SCLT1: variants seen among roughly 807,000 people sequenced by gnomAD.
SCLT1 encodes the protein sodium channel and clathrin linker 1.
SCLT1 carries 78 observed loss-of-function variants against 112.8 expected under a neutral mutation model. That is an observed-to-expected ratio of 0.69 (90% CI 0.58 to 0.83). SCLT1 has a LOEUF of 0.83. Among genes scored for constraint, SCLT1 ranks in the 40% least tolerant of loss-of-function variants. SCLT1 has a pLI of 0.00. For missense variants in SCLT1, 747 were observed against 770.4 expected (o/e 0.97, Z 0.36); for synonymous variants, 257 against 254.7 (o/e 1.01, Z -0.09).
intron 5 of SCLT1, among the ~76,000 whole-genome samples, chr4:129,009,057 T>C (rs1560958622): frequency 6.6e-6 from 1 of 152,232 alleles, no homozygotes; most frequent in South Asian, 2.1e-4. Flanking sequence ...CTTTATCCAG[T>C]CCACTGTTGA....
At chr4:128,881,173 G>T (rs1303819210), downstream of SCLT1, among the ~76,000 whole-genome samples, 1 of 151,840 alleles carries the variant, frequency 6.6e-6, no homozygotes, top group Non-Finnish European at 1.5e-5. Flanking sequence ...TAACTTCAGG[G>T]TACTGCAATC....
At position 128,943,254 on chromosome 4, in the gene SCLT1, G is replaced by C. The variant is rs1737865373; in HGVS notation, c.1440-66C>G. 3 of 1,140,538 alleles carry C rather than the reference G, an allele frequency of 2.6e-6. No homozygotes were observed. The African/African-American group carries it at 4.7e-5, about 18-fold the overall frequency. 70.7% of individuals were successfully genotyped at this position (1,140,538 alleles called of 1,614,324 possible). A position where few individuals can be genotyped will look rare whatever the true frequency, so the allele number is the denominator to read the frequency against. On this transcript the variant is annotated intron_variant, in intron 16 of 20. Transcript: ENST00000281142. ...GATCTATAGTAGAAGATAAAAGTCTGTCTACATTTTATCACATGGACTTTT... is the reference window on the plus strand; with the variant it reads ...GATCTATAGTAGAAGATAAAAGTCTCTCTACATTTTATCACATGGACTTTT...
intron 11 of SCLT1, among the ~76,000 whole-genome samples, chr4:128,964,586 T>C (rs1293865665): frequency 6.6e-6 from 1 of 152,186 alleles, no homozygotes. Flanking sequence ...CTAATCCTTT[T>C]TGTAGGATTT....
At chr4:128,980,787 T>C (rs1471953428) in intron 9 of SCLT1, among the ~76,000 whole-genome samples, 2 of 152,200 alleles carry the variant, frequency 1.3e-5, no homozygotes, top group East Asian at 3.9e-4. Context: ...AAAATGATTT[T>C]TTTTTCCAGG....
chr4:128,970,407 C>T lies in SCLT1; in HGVS notation c.748G>A (p.Glu250Lys), dbSNP rs142830954. 7 of 1,605,874 alleles carry T rather than the reference C, an allele frequency of 4.4e-6. No individual in the cohort carries two copies. The Admixed American group carries it at 6.7e-5, about 15-fold the overall frequency. Residue 250 changes from glutamate (E) to lysine (K), a missense_variant, in exon 10 of 21, where the codon GAA (glutamate) becomes AAA (lysine). This residue lies in a region of SCLT1 where 723 missense variants were observed against 721.3 expected (regional missense o/e 1.00). Coordinates refer to ENST00000281142, the MANE Select transcript of SCLT1 (RefSeq NM_144643.4). The part of the protein sequence containing the change: ...AKVEELTNVT[E>K]DLQGQMKKKE... ...TTTTTCATCTGTCCCTGCAGATCTT[C>T]AGTCACATTAGTTAACTCTTCCACT...
At chr4:128,901,789 C>T (rs1175846894) in intron 18 of SCLT1, among the ~76,000 whole-genome samples, 1 of 151,866 alleles carries the variant, frequency 6.6e-6, no homozygotes, top group East Asian at 1.9e-4. Context: ...ATATTAAATA[C>T]TTATTTTATG....
At chr4:129,034,711 T>TATTATTTATTATTTATTTATTTA (rs1251032733) in intron 5 of SCLT1, among the ~76,000 whole-genome samples, 1 of 151,954 alleles carries the variant, frequency 6.6e-6, no homozygotes, top group African/African-American at 2.4e-5. Flanking sequence ...ATTAGTAAAC[T>TATTATTTATTATTTATTTATTTA]TTTTATGTAA....
intron 14 of SCLT1, among the ~76,000 whole-genome samples, chr4:128,952,129 C>A (rs1309601114): frequency 1.3e-5 from 2 of 151,958 alleles, no homozygotes; most frequent in African/African-American, 4.8e-5. Context: ...CAACATACAC[C>A]TAAAGCATGA....
chr4:128,894,961 A>C (rs1733624385), intron 18 of SCLT1, among the ~76,000 whole-genome samples: 1 of 152,146 alleles, frequency 6.6e-6, no homozygotes, highest in South Asian at 2.1e-4. Flanking sequence ...TACAGGCATG[A>C]GCCACCGTGC....
chr4:129,064,145 C>A (rs1053603261), intron 2 of SCLT1, among the ~76,000 whole-genome samples: 1 of 152,082 alleles, frequency 6.6e-6, no homozygotes, highest in Non-Finnish European at 1.5e-5. Flanking sequence ...CACCTATTTT[C>A]TAATTGAATA....
chr4:129,022,966 G>A (rs2126126085), intron 5 of SCLT1, among the ~76,000 whole-genome samples: 1 of 152,284 alleles, frequency 6.6e-6, no homozygotes. Context: ...AATCCTACAG[G>A]CCAGAACAGA....
chr4:129,081,611 C>G (rs909576453), intron 2 of SCLT1, among the ~76,000 whole-genome samples: 3 of 152,170 alleles, frequency 2.0e-5, no homozygotes, highest in Admixed American at 1.3e-4. Flanking sequence ...CTCATGAGAA[C>G]TCACTATCAC....
chr4:128,962,278 C>A (rs1206657229), intron 11 of SCLT1, among the ~76,000 whole-genome samples: 3 of 152,112 alleles, frequency 2.0e-5, no homozygotes. Flanking sequence ...GATCAAGATG[C>A]TTACATTAAG....
intron 2 of SCLT1, among the ~76,000 whole-genome samples, chr4:129,061,639 T>C (rs1201429611): frequency 1.3e-5 from 2 of 152,060 alleles, no homozygotes; most frequent in Non-Finnish European, 2.9e-5. Context: ...GGGTACCACT[T>C]TGGGTCCAGT....
At chr4:129,000,203 CA>C (rs1247107885) in intron 6 of SCLT1, among the ~76,000 whole-genome samples, 3 of 151,726 alleles carry the variant, frequency 2.0e-5, no homozygotes, top group Non-Finnish European at 2.9e-5. Flanking sequence ...TAGGAAAATA[CA>C]GAGAAAAACA....
chr4:128,894,363 A>AAC (rs10522940), intron 18 of SCLT1, among the ~76,000 whole-genome samples: 182 of 143,108 alleles, frequency 1.3e-3, no homozygotes, highest in South Asian at 4.1e-3. Flanking sequence ...TTGAGTAAGT[A>AAC]ACACACACAC....
intron 4 of SCLT1, 23 bp from the exon 5 acceptor site, chr4:129,039,119 G>A: frequency 6.4e-7 from 1 of 1,552,680 alleles, no homozygotes; most frequent in South Asian, 1.1e-5. Context: ...AATATGGTGT[G>A]GCAATACATT....
chr4:129,076,412 T>C (rs1751468580), intron 2 of SCLT1, among the ~76,000 whole-genome samples: 1 of 152,102 alleles, frequency 6.6e-6, no homozygotes, highest in African/African-American at 2.4e-5. Context: ...TCTCCTTTTT[T>C]CCCCCAGCAG....
chr4:129,082,494 A>G (rs564064212), intron 1 of SCLT1, 121 bp from the exon 2 acceptor site: 202 of 474,832 alleles, frequency 4.3e-4, no homozygotes, highest in Non-Finnish European at 2.6e-4. Flanking sequence ...TGCTTCTCAA[A>G]ATAAGATGAA....
Sources: allele counts gnomAD v4.1 joint callset (sites outside exome capture counted in the v4.1 genomes callset), GRCh38; gene constraint gnomAD v4.1.1; regional missense constraint gnomAD v4.1.1; transcripts MANE v1.5; gene names NCBI Gene and HGNC (gene_info 2026-07-23, HGNC 2026-07-21).